The following ODF2L variants were observed in gnomAD, a reference collection of about 807,000 sequenced individuals.
ODF2L encodes the protein protein BCAP.
In ODF2L, 76 loss-of-function variants were observed where a neutral mutation model predicts 86.3. The ratio of observed to expected loss-of-function variants is 0.88; its 90% CI spans 0.73 to 1.07. The LOEUF (loss-of-function observed/expected upper bound fraction) is 1.07, where lower values mean the gene tolerates loss of function less well. ODF2L is among the 50% of genes least tolerant of loss of function. The pLI, the probability that ODF2L is intolerant of heterozygous loss-of-function variation, is 0.00. For missense variants in ODF2L, 748 were observed against 717.4 expected, an observed-to-expected ratio of 1.04 and a Z score of -0.49; for synonymous variants, 241 against 231.3, an observed-to-expected ratio of 1.04 and a Z score of -0.38.
In ODF2L at chr1:86,383,234, A is replaced by G. The variant is rs781592657; in HGVS notation, c.373-38T>C. The G allele has an allele frequency of 4.9e-6, 5 of 1,019,602 alleles. No individual in the cohort carries two copies. In the East Asian group the frequency reaches 1.0e-4, roughly 20 times the overall value. 63.2% of individuals were successfully genotyped at this position (1,019,602 alleles called of 1,614,324 possible). A position where few individuals can be genotyped will look rare whatever the true frequency, so the allele number is the denominator to read the frequency against. On this transcript the variant is annotated intron_variant, in intron 4 of 17. Coordinates refer to ENST00000317336, the Ensembl canonical transcript of ODF2L. ...TGTTATAAATCAGTGATCGCAAATT[A>G]TATTTCTCTATATAAAAAAGTAGGA...
At chr1:86,385,373 C>T in intron 3 of ODF2L, 85 bp downstream of exon 3, 3 of 763,708 alleles carry the variant, frequency 3.9e-6, no homozygotes, top group African/African-American at 1.8e-5. Context: ...AGTGAGCATA[C>T]CTATATAAGA....
chr1:86,374,850 A>G (rs961436759), intron 8 of ODF2L: 1 of 152,146 alleles, frequency 6.6e-6, no homozygotes, highest in African/African-American at 2.4e-5. Context: ...TTGTTAAACT[A>G]TTATTTAGCT....
chr1:86,368,851 T>A, intron 10 of ODF2L: 1 of 695,674 alleles, frequency 1.4e-6, no homozygotes, highest in Middle Eastern at 4.6e-4. Context: ...ACTTCTACGT[T>A]GACTATATAT....
chr1:86,357,885 A>G lies in ODF2L; in HGVS notation c.1359+902T>C, dbSNP rs578128322. 4.1e-6 allele frequency: 4 copies of G among 985,260 alleles called. No homozygotes were observed. In the African/African-American group the frequency reaches 7.0e-5, roughly 17 times the overall value. The allele number at this position is 985,260 out of a possible 1,614,324, so 61.0% of individuals were successfully genotyped here. On this transcript the variant is annotated intron_variant, in intron 13 of 17. Transcript: ENST00000317336. ...TATGCTTTTATTTACAGTGCTGCCT[A>G]GCAGAAAAGGAGACATTTGCACTGG...
chr1:86,355,530 A>G, intron 14 of ODF2L: 1 of 615,610 alleles, frequency 1.6e-6, no homozygotes, highest in Non-Finnish European at 2.9e-6. Context: ...TTGTCTGCAT[A>G]TTTTTATCTA....
intron 1 of ODF2L, among the ~76,000 whole-genome samples, chr1:86,390,449 G>C (rs1312442011): frequency 2.6e-5 from 4 of 151,918 alleles, no homozygotes; most frequent in Admixed American, 2.0e-4. Flanking sequence ...CAAAATACTA[G>C]CTCACCGAAT....
At chr1:86,362,659 A>ATT (rs200130390) in intron 11 of ODF2L, among the ~76,000 whole-genome samples, 2,068 of 151,510 alleles carry the variant, frequency 0.014, 21 homozygotes, top group Middle Eastern at 0.038. Flanking sequence ...GCTCTTTGGA[A>ATT]TTTTCTTTTC....
At chr1:86,388,995 C>T (rs1048898466) in intron 1 of ODF2L, among the ~76,000 whole-genome samples, 7 of 152,150 alleles carry the variant, frequency 4.6e-5, no homozygotes, top group African/African-American at 1.7e-4. Flanking sequence ...CAACAGTCAT[C>T]TTCTCCAGGA....
At position 86,379,310 on chromosome 1, in the gene ODF2L, A is replaced by T. The variant is rs142739703; in HGVS notation, c.625-2892T>A. On this transcript the variant is annotated intron_variant, in intron 7 of 17. Coordinates refer to ENST00000317336, the Ensembl canonical transcript of ODF2L. The stretch of plus-strand genomic sequence containing the variant: ...ACATTGGGGACCAATGCTTCTCTAT[A>T]ACCTGTTAAAGGATGCAAATTTAAA... 1.6e-3 allele frequency among the ~76,000 whole-genome samples: 245 copies of T among 152,316 alleles called. 1 individual carries two copies. Among genetic ancestry groups the T allele is most frequent in the African/African-American group, 5.5e-3 (227 of 41,568 alleles).
chr1:86,356,557 A>G, exon 14 of ODF2L: 1 of 1,614,098 alleles, frequency 6.2e-7, no homozygotes, highest in Non-Finnish European at 8.5e-7. Flanking sequence ...AAGGAATCGC[A>G]GACACGCTCT....
chr1:86,361,930 A>T (rs1342301570), intron 11 of ODF2L, among the ~76,000 whole-genome samples: 1 of 152,184 alleles, frequency 6.6e-6, no homozygotes, highest in African/African-American at 2.4e-5. Flanking sequence ...GCAGACAGAC[A>T]AAAAATAAGA....
intron 17 of ODF2L, 76 bp downstream of exon 16, chr1:86,352,779 TTCAC>T (rs1658237534): frequency 1.2e-6 from 1 of 820,242 alleles, no homozygotes; most frequent in Non-Finnish European, 1.9e-6. Context: ...ATAGACTTGA[TTCAC>T]TCACTTTGTA....
At chr1:86,357,622 GA>G in intron 13 of ODF2L, 2 of 219,536 alleles carry the variant, frequency 9.1e-6, no homozygotes, top group Non-Finnish European at 1.5e-5. Context: ...AAAACAGACT[GA>G]AAAATGTCTG....
At chr1:86,382,860 C>T (rs949236501) in intron 6 of ODF2L, 71 bp downstream of exon 6, 21 of 767,052 alleles carry the variant, frequency 2.7e-5, no homozygotes, top group Non-Finnish European at 4.2e-5. Flanking sequence ...GGAGTTGGGG[C>T]CAGGATGGGA....
chr1:86,355,568 GGTTT>G lies in ODF2L; in HGVS notation c.1519-713_1519-710del, dbSNP rs140483556. ...TTTTAAGTTCAGGGGTACAAATGCA[GGTTT>G]GTTACACAGGTCAGCTTGTGTCATG... On this transcript the variant is annotated intron_variant, in intron 14 of 17. Transcript: ENST00000317336. Among the ~76,000 whole-genome samples, 1,703 of 152,228 alleles carry G rather than the reference GGTTT, an allele frequency of 0.011. 68 individuals carry two copies. In the East Asian group the frequency reaches 0.12, roughly 10 times the overall value.
intron 10 of ODF2L, among the ~76,000 whole-genome samples, chr1:86,369,876 C>A (rs1337419443): frequency 6.6e-6 from 1 of 152,036 alleles, no homozygotes; most frequent in Admixed American, 6.6e-5. Context: ...TCTCAAGTTT[C>A]CATCAGAAAA....
downstream of ODF2L, chr1:86,347,450 C>T (rs907888405): frequency 6.6e-6 from 1 of 152,036 alleles, no homozygotes; most frequent in African/African-American, 2.4e-5. Context: ...ATGATGAGTA[C>T]TAAGATTTTT....
chr1:86,354,501 A>C, intron 16 of ODF2L, 29 bp downstream of exon 15: 1 of 1,472,494 alleles, frequency 6.8e-7, no homozygotes, highest in Non-Finnish European at 9.3e-7. Flanking sequence ...AAATGAATTA[A>C]AAAGTTTCTA....
intron 1 of ODF2L, chr1:86,395,808 C>G (rs1661696791): frequency 6.6e-6 from 1 of 152,256 alleles, no homozygotes; most frequent in Non-Finnish European, 1.5e-5. Context: ...TCCCGGGGAC[C>G]ACACCCTTCC....
Sources: gnomAD v4.1 joint callset for allele counts (sites outside exome capture counted in the v4.1 genomes callset) on GRCh38, gnomAD v4.1.1 for gene constraint, MANE v1.5 for transcripts, NCBI Gene and HGNC (gene_info 2026-07-23, HGNC 2026-07-21) for gene names.